The following PCDH15 variants were observed in gnomAD, a reference collection of about 807,000 sequenced individuals.
The protein encoded by PCDH15 is protocadherin related 15, also known as protocadherin-15.
In PCDH15, 129 loss-of-function variants were observed where a neutral mutation model predicts 178.5. The ratio of observed to expected loss-of-function variants is 0.72; its 90% CI spans 0.63 to 0.84. The LOEUF (loss-of-function observed/expected upper bound fraction) is 0.84. Ranked by LOEUF, PCDH15 falls within the 40% of genes least tolerant of loss-of-function variation. The pLI is 0.00. For synonymous variants in PCDH15, 800 were observed against 732.0 expected, an observed-to-expected ratio of 1.09 and a Z score of -1.50; for missense variants, 2,230 against 2,099.9, an observed-to-expected ratio of 1.06 and a Z score of -1.21.
chr10:53,819,821 T>C (rs934167523), intron 33 of PCDH15, among the ~76,000 whole-genome samples: 12 of 152,106 alleles, frequency 7.9e-5, no homozygotes, highest in African/African-American at 2.9e-4. Flanking sequence ...TAACTGACTT[T>C]TATAATGTAT....
chr10:54,139,800 G>C (rs1165419913), intron 14 of PCDH15, among the ~76,000 whole-genome samples: 1 of 151,956 alleles, frequency 6.6e-6, no homozygotes, highest in African/African-American at 2.4e-5. Flanking sequence ...AAAGAGATGT[G>C]TAAAAAGTTA....
At chr10:54,240,138 C>T (rs957261860) in intron 8 of PCDH15, among the ~76,000 whole-genome samples, 3 of 151,858 alleles carry the variant, frequency 2.0e-5, no homozygotes, top group Non-Finnish European at 4.4e-5. Context: ...TAGATGAAAC[C>T]AGGCCTGGAA....
chr10:55,465,112 A>G (rs1206778607), intron 2 of PCDH15, among the ~76,000 whole-genome samples: 1 of 152,064 alleles, frequency 6.6e-6, no homozygotes, highest in South Asian at 2.1e-4. Context: ...CTTCCGAACC[A>G]ACAGGGTGTG....
chr10:55,443,481 C>A (rs764781967), intron 2 of PCDH15, among the ~76,000 whole-genome samples: 13 of 152,082 alleles, frequency 8.5e-5, no homozygotes, highest in Admixed American at 7.9e-4. Flanking sequence ...AGGTTATGAA[C>A]AGACACTTCT....
At chr10:54,346,092 T>C (rs1943233686) in intron 6 of PCDH15, among the ~76,000 whole-genome samples, 1 of 152,140 alleles carries the variant, frequency 6.6e-6, no homozygotes, top group African/African-American at 2.4e-5. Context: ...TTAGAATGCT[T>C]TGGAGACCAC....
chr10:55,442,474 A>G (rs1839214602), intron 2 of PCDH15, among the ~76,000 whole-genome samples: 1 of 100,552 alleles, frequency 9.9e-6, no homozygotes, highest in Non-Finnish European at 1.8e-5. Context: ...TATATATTAT[A>G]TATATATTAT....
intron 2 of PCDH15, among the ~76,000 whole-genome samples, chr10:54,663,539 T>C (rs1419792342): frequency 6.6e-6 from 1 of 150,812 alleles, no homozygotes; most frequent in African/African-American, 2.4e-5. Flanking sequence ...AATTGGGCCA[T>C]TGCAAACATC....
intron 3 of PCDH15, among the ~76,000 whole-genome samples, chr10:54,396,940 A>G (rs1378108629): frequency 6.6e-6 from 1 of 152,014 alleles, no homozygotes; most frequent in South Asian, 2.1e-4. Flanking sequence ...ACTGTGTACT[A>G]TCTTATTTTC....
At chr10:55,038,377 C>T in intron 2 of PCDH15, among the ~76,000 whole-genome samples, 1 of 152,036 alleles carries the variant, frequency 6.6e-6, no homozygotes, top group Admixed American at 6.6e-5. Flanking sequence ...ATCTTAGTTC[C>T]TATTTTGATT....
intron 3 of PCDH15, among the ~76,000 whole-genome samples, chr10:54,405,516 C>T (rs1952532567): frequency 6.6e-6 from 1 of 151,630 alleles, no homozygotes; most frequent in Non-Finnish European, 1.5e-5. Flanking sequence ...GGGAACAAAA[C>T]ACACTGAGGC....
At chr10:55,365,402 A>C (rs980604324) in intron 2 of PCDH15, among the ~76,000 whole-genome samples, 1 of 152,116 alleles carries the variant, frequency 6.6e-6, no homozygotes, top group East Asian at 1.9e-4. Context: ...TTGTCTTGTC[A>C]TGAGCAGCTC....
At chr10:55,193,062 A>G (rs568089415) in intron 1 of PCDH15, among the ~76,000 whole-genome samples, 1 of 150,538 alleles carries the variant, frequency 6.6e-6, no homozygotes, top group South Asian at 2.1e-4. Flanking sequence ...ATAAATACTT[A>G]AAAATTTACT....
At chr10:54,971,067 T>A (rs139629266) in intron 2 of PCDH15, among the ~76,000 whole-genome samples, 360 of 152,238 alleles carry the variant, frequency 2.4e-3, no homozygotes, top group Non-Finnish European at 4.5e-3. Context: ...GAGTTGGACC[T>A]GGAATGAGTT....
chr10:54,007,349 A>G (rs1245227164), intron 20 of PCDH15, among the ~76,000 whole-genome samples: 1 of 152,276 alleles, frequency 6.6e-6, no homozygotes, highest in East Asian at 1.9e-4. Context: ...ATCTAGAAAT[A>G]TACAAGAAAA....
intron 35 of PCDH15, among the ~76,000 whole-genome samples, chr10:53,812,293 T>A (rs2075894967): frequency 6.6e-6 from 1 of 152,182 alleles, no homozygotes; most frequent in Non-Finnish European, 1.5e-5. Flanking sequence ...CTACAGGCTC[T>A]GCCTCCAGGG....
chr10:54,406,006 G>A (rs1202278589), intron 3 of PCDH15, among the ~76,000 whole-genome samples: 1 of 151,944 alleles, frequency 6.6e-6, no homozygotes, highest in Non-Finnish European at 1.5e-5. Flanking sequence ...TCTTTTCAAA[G>A]TTTATCTACA....
At chr10:54,838,809 C>T (rs1254491624) in intron 3 of PCDH15, among the ~76,000 whole-genome samples, 1 of 152,160 alleles carries the variant, frequency 6.6e-6, no homozygotes, top group Non-Finnish European at 1.5e-5. Flanking sequence ...GGCGCCAGCC[C>T]CTCTCAGCTG....
rs2077188917 is a variant in PCDH15, at chr10:54,274,894, T to C, written c.877-37963A>G. Among the ~76,000 whole-genome samples, 7 of 151,832 alleles carry C rather than the reference T, an allele frequency of 4.6e-5. 1 individual carries two copies. In the Admixed American group the frequency reaches 4.6e-4, roughly 10 times the overall value. ...TAAAGTAGTTATAAAAGACCTATAG[T>C]GAATATCATACTTCAGTATTAGAAG... On this transcript the variant is annotated intron_variant, in intron 8 of 37. Coordinates refer to ENST00000644397, the MANE Select transcript of PCDH15 (RefSeq NM_001384140.1).
intron 1 of PCDH15, among the ~76,000 whole-genome samples, chr10:54,727,179 A>G (rs1198674492): frequency 6.6e-6 from 1 of 150,988 alleles, no homozygotes; most frequent in East Asian, 1.9e-4. Context: ...ACTAAAATCA[A>G]CCAGATGATT....
Sources: gnomAD v4.1 joint callset for allele counts (sites outside exome capture counted in the v4.1 genomes callset) on GRCh38, gnomAD v4.1.1 for gene constraint, MANE v1.5 for transcripts, NCBI Gene and HGNC (gene_info 2026-07-23, HGNC 2026-07-21) for gene names.